Variants in AGBL4 observed in about 807,000 individuals in gnomAD.
The protein encoded by AGBL4 is cytosolic carboxypeptidase 6.
A neutral mutation model predicts 66.4 loss-of-function variants in AGBL4; 58 were observed. The observed-to-expected ratio is 0.87, with a 90% CI of 0.71 to 1.09. The LOEUF (loss-of-function observed/expected upper bound fraction) is 1.09, where lower values mean the gene tolerates loss of function less well. AGBL4 is among the 50% of genes least tolerant of loss of function. The probability of loss-of-function intolerance (pLI) is 0.00; values close to 1 mark genes in which losing one functional copy is unlikely to be tolerated. For synonymous variants in AGBL4, 234 were observed against 222.9 expected (o/e 1.05, Z -0.44); for missense variants, 579 against 631.0 (o/e 0.92, Z 0.88).
downstream of AGBL4, among the ~76,000 whole-genome samples, chr1:48,531,491 C>T (rs755685708): frequency 6.6e-6 from 1 of 152,162 alleles, no homozygotes; most frequent in Admixed American, 6.5e-5. Context: ...TCTTCTTGCA[C>T]ACCTGTGGTG....
intron 5 of AGBL4, among the ~76,000 whole-genome samples, chr1:49,037,574 A>G (rs1027605398): frequency 1.3e-5 from 2 of 152,084 alleles, no homozygotes; most frequent in African/African-American, 4.8e-5. Flanking sequence ...TTTTATCACA[A>G]GGAGCCATGC....
At chr1:49,077,758 G>A (rs1419169480) in intron 4 of AGBL4, among the ~76,000 whole-genome samples, 1 of 152,078 alleles carries the variant, frequency 6.6e-6, no homozygotes, top group Non-Finnish European at 1.5e-5. Context: ...GATCAAATAA[G>A]ATATTGTGAA....
At chr1:49,111,919 T>C (rs935718886) in intron 4 of AGBL4, among the ~76,000 whole-genome samples, 2 of 152,244 alleles carry the variant, frequency 1.3e-5, no homozygotes, top group African/African-American at 4.8e-5. Context: ...ATGATTGATC[T>C]AATTTATTTC....
chr1:49,619,633 T>C (rs781618569), intron 3 of AGBL4, among the ~76,000 whole-genome samples: 7 of 152,072 alleles, frequency 4.6e-5, no homozygotes, highest in Middle Eastern at 3.2e-3. Flanking sequence ...AAATTACATA[T>C]GGAACCAAAA....
chr1:49,565,215 G>T (rs1311812832), intron 3 of AGBL4, among the ~76,000 whole-genome samples: 5 of 152,048 alleles, frequency 3.3e-5, no homozygotes, highest in Admixed American at 3.3e-4. Context: ...ACATGAGATG[G>T]GTTTCTTGAA....
intron 6 of AGBL4, among the ~76,000 whole-genome samples, chr1:48,762,616 G>T (rs1296048559): frequency 2.3e-5 from 1 of 43,588 alleles, no homozygotes; most frequent in African/African-American, 8.3e-5. Flanking sequence ...TAAGGGTTTT[G>T]TGTGTGTGTG....
intron 1 of AGBL4, among the ~76,000 whole-genome samples, chr1:49,910,898 C>G (rs1381781025): frequency 6.6e-6 from 1 of 152,170 alleles, no homozygotes; most frequent in Admixed American, 6.5e-5. Flanking sequence ...ATTGCTTGAA[C>G]CTAGGAGATG....
At chr1:49,823,865 G>T (rs187278969) in intron 2 of AGBL4, among the ~76,000 whole-genome samples, 2 of 150,906 alleles carry the variant, frequency 1.3e-5, no homozygotes, top group African/African-American at 4.9e-5. Flanking sequence ...TTTTCTTGGC[G>T]ATATAAAGAA....
chr1:49,097,656 G>A (rs777596456), intron 4 of AGBL4, among the ~76,000 whole-genome samples: 13 of 152,176 alleles, frequency 8.5e-5, no homozygotes, highest in East Asian at 1.9e-4. Flanking sequence ...ATCTCAGCTC[G>A]CTTCACCTCT....
rs755618065 is a variant in AGBL4 at position 48,587,033 on chromosome 1, G to A, written c.1238C>T (p.Thr413Met). ...SFYSYIISGT[T>M]AAVPYTEEAY... ...TTCTTCAGTGTAGGGCACAGCAGCC[G>A]TGGTGCCACTGATGATGTAGCTGTA... is the stretch of plus-strand genomic sequence containing the variant. Residue 413 changes from threonine (T) to methionine (M), a missense_variant, in exon 11 of 14, where the codon ACG becomes ATG. Transcript: ENST00000371839. 1.1e-5 allele frequency: 17 copies of A among 1,609,708 alleles called. No individual in the cohort carries two copies. Among genetic ancestry groups the A allele is most frequent in the East Asian group, 2.2e-5 (1 of 44,778 alleles).
At chr1:49,016,712 T>C (rs1447455080) in intron 5 of AGBL4, among the ~76,000 whole-genome samples, 1 of 152,178 alleles carries the variant, frequency 6.6e-6, no homozygotes, top group Non-Finnish European at 1.5e-5. Context: ...GGTAAACAGG[T>C]CGTCAGCGAA....
intron 2 of AGBL4, among the ~76,000 whole-genome samples, chr1:49,729,501 G>T (rs1332226201): frequency 1.3e-5 from 2 of 152,018 alleles, no homozygotes; most frequent in African/African-American, 4.8e-5. Context: ...AATTTCAAGA[G>T]CATAAAATCA....
chr1:49,745,742 C>T (rs1279944200), intron 2 of AGBL4, among the ~76,000 whole-genome samples: 1 of 151,662 alleles, frequency 6.6e-6, no homozygotes, highest in Non-Finnish European at 1.5e-5. Flanking sequence ...CAAAATATAT[C>T]ACACAAAAAC....
intron 5 of AGBL4, among the ~76,000 whole-genome samples, chr1:48,946,595 T>C (rs1367510505): frequency 6.6e-6 from 1 of 152,198 alleles, no homozygotes; most frequent in Non-Finnish European, 1.5e-5. Flanking sequence ...CTAAGCTTTG[T>C]AATGAAAGGC....
At chr1:48,534,314 G>C (rs1643935059) in intron 13 of AGBL4, 21 bp from the exon 14 acceptor site, 7 of 1,545,100 alleles carry the variant, frequency 4.5e-6, no homozygotes, top group Non-Finnish European at 5.2e-6. Context: ...GGAGATAACA[G>C]AAAGAGAGAA....
the AGBL4 span, among the ~76,000 whole-genome samples, chr1:48,523,642 T>A: frequency 6.6e-6 from 1 of 152,196 alleles, no homozygotes; most frequent in Non-Finnish European, 1.5e-5. Context: ...AGGCTTAATG[T>A]TTGAAAGTCC....
intron 3 of AGBL4, chr1:49,472,058 G>A (rs189679267): frequency 1.3e-5 from 2 of 151,956 alleles, no homozygotes; most frequent in Non-Finnish European, 2.9e-5. Flanking sequence ...GTGGAAAATC[G>A]TAATTTTTAC....
At chr1:49,325,339 T>C (rs1343478033) in intron 3 of AGBL4, among the ~76,000 whole-genome samples, 1 of 152,222 alleles carries the variant, frequency 6.6e-6, no homozygotes, top group Non-Finnish European at 1.5e-5. Flanking sequence ...AAATCTTTAG[T>C]GGCAGCCCAT....
At chr1:48,738,830 A>C (rs1480845340) in intron 6 of AGBL4, among the ~76,000 whole-genome samples, 1 of 152,118 alleles carries the variant, frequency 6.6e-6, no homozygotes, top group African/African-American at 2.4e-5. Flanking sequence ...GTTCACGTAC[A>C]ATGAACCAGG....
Sources: gnomAD v4.1 joint callset for allele counts (sites outside exome capture counted in the v4.1 genomes callset) on GRCh38, gnomAD v4.1.1 for gene constraint, MANE v1.5 for transcripts, NCBI Gene and HGNC (gene_info 2026-07-23, HGNC 2026-07-21) for gene names.